The following PVALB variants were observed in gnomAD, a reference collection of about 807,000 sequenced individuals.
The protein encoded by PVALB is parvalbumin.
Under a neutral mutation model 10.9 loss-of-function variants are expected in PVALB, and 11 were observed. The observed-to-expected ratio is 1.01, with a 90% CI of 0.63 to 1.67. The LOEUF (loss-of-function observed/expected upper bound fraction) is 1.67, where lower values mean the gene tolerates loss of function less well. Ranked by LOEUF, PVALB falls within the 40% of genes most tolerant of loss-of-function variation. The pLI is 0.00. For synonymous variants in PVALB, 57 were observed against 50.7 expected, an observed-to-expected ratio of 1.12 and a Z score of -0.53; for missense variants, 131 against 136.2, an observed-to-expected ratio of 0.96 and a Z score of 0.19.
intron 2 of PVALB, among the ~76,000 whole-genome samples, chr22:36,814,268 AGTGT>A (rs36215449): frequency 0.12 from 17,630 of 147,990 alleles, 1,183 homozygotes; most frequent in Non-Finnish European, 0.16. Context: ...AGCCTCTGTG[AGTGT>A]GTGTGTGTGT....
At chr22:36,808,477 T>G (rs1245397838) in intron 3 of PVALB, among the ~76,000 whole-genome samples, 1 of 152,192 alleles carries the variant, frequency 6.6e-6, no homozygotes, top group Non-Finnish European at 1.5e-5. Context: ...GGCATGTCAC[T>G]TCTCACGATG....
At chr22:36,816,795 G>A (rs368879296) in intron 1 of PVALB, 150 bp downstream of exon 1, 5 of 609,792 alleles carry the variant, frequency 8.2e-6, no homozygotes. Flanking sequence ...AACTGCCAAG[G>A]ACGCCCCCGC....
chr22:36,808,236 G>A (rs1938989911), intron 3 of PVALB, among the ~76,000 whole-genome samples: 1 of 152,246 alleles, frequency 6.6e-6, no homozygotes, highest in South Asian at 2.1e-4. Flanking sequence ...TTGTAGAGCT[G>A]TTGGGAGGTT....
chr22:36,813,678 T>C lies in PVALB; in HGVS notation c.272A>G (p.Asp91Gly). 6.2e-7 allele frequency: 1 copy of C among 1,614,060 alleles called. No homozygotes were observed. Among genetic ancestry groups the C allele is most frequent in the South Asian group, 1.1e-5 (1 of 91,050 alleles). The part of the protein sequence containing the change: ...KETKMLMAAG[D>G]KDGDGKIGVD... ...CCCAATTTTGCCGTCCCCATCTTTG[T>C]CTCCAGCAGCCATCAGCATCTTGGT... The change falls in exon 3 of 4, where the codon GAC (aspartate) becomes GGC (glycine). Residue 91 changes from aspartate to glycine, a missense_variant. Physicochemically the swap from Asp to Gly is moderately conservative, Grantham distance 94 (BLOSUM62 -1). Coordinates refer to ENST00000417718, the MANE Select transcript of PVALB (RefSeq NM_001315532.2).
chr22:36,802,046 C>G (rs1938873090), intron 3 of PVALB, among the ~76,000 whole-genome samples: 2 of 152,150 alleles, frequency 1.3e-5, no homozygotes, highest in African/African-American at 4.8e-5. Flanking sequence ...CAAAAAGTAT[C>G]TGAGACTCAT....
At chr22:36,806,827 T>C (rs553835989) in intron 3 of PVALB, among the ~76,000 whole-genome samples, 1 of 152,254 alleles carries the variant, frequency 6.6e-6, no homozygotes, top group Admixed American at 6.5e-5. Flanking sequence ...AAACTGAGGC[T>C]GAGTGTCACT....
At chr22:36,815,970 C>T (rs1170219363) in intron 1 of PVALB, among the ~76,000 whole-genome samples, 1 of 152,022 alleles carries the variant, frequency 6.6e-6, no homozygotes, top group Non-Finnish European at 1.5e-5. Context: ...GGGTCCTTTT[C>T]TACCTGCAAT....
chr22:36,809,445 TATGA>T (rs201467669), intron 3 of PVALB, among the ~76,000 whole-genome samples: 44 of 152,202 alleles, frequency 2.9e-4, no homozygotes, highest in Admixed American at 5.2e-4. Context: ...TAAATTAAAC[TATGA>T]ATGAATGAAT....
chr22:36,817,959 T>C (rs1179899176), upstream of PVALB, among the ~76,000 whole-genome samples: 2 of 152,098 alleles, frequency 1.3e-5, no homozygotes, highest in African/African-American at 4.8e-5. Context: ...CTAGACAACC[T>C]AAGCAGGTGT....
chr22:36,803,634 T>C (rs1467434434), intron 3 of PVALB, among the ~76,000 whole-genome samples: 2 of 126,804 alleles, frequency 1.6e-5, no homozygotes, highest in African/African-American at 5.8e-5. Context: ...GAGGGATGGA[T>C]AAAGGGAGAG....
In PVALB at chr22:36,813,742, C is replaced by T. The variant is rs1194160551; in HGVS notation, c.208G>A (p.Gly70Ser). 4.3e-6 allele frequency: 7 copies of T among 1,612,960 alleles called. No individual in the cohort carries two copies. Among genetic ancestry groups the T allele is most frequent in the Non-Finnish European group, 5.9e-6 (7 of 1,178,982 alleles). Residue 70 changes from glycine (G) to serine (S), a missense_variant, in exon 3 of 4, where the codon GGC becomes AGC. Gly to Ser is a moderately conservative substitution (Grantham distance 56). Coordinates refer to ENST00000417718, the MANE Select transcript of PVALB (RefSeq NM_001315532.2). ...EEDELGFILK[G>S]FSPDARDLSA... The stretch of plus-strand genomic sequence containing the variant: ...AGGTCTCTGGCATCTGGGGAGAAGC[C>T]TTTTAGGATGAATCTGGAGGAGAAA...
intron 3 of PVALB, among the ~76,000 whole-genome samples, chr22:36,807,917 G>C (rs11705163): frequency 0.19 from 29,095 of 152,158 alleles, 3,128 homozygotes; most frequent in African/African-American, 0.29. Flanking sequence ...AGTGGCAAGG[G>C]GTGGGGGGGT....
At chr22:36,816,904 G>C (rs1202206054) in intron 1 of PVALB, 41 bp downstream of exon 1, 3 of 1,554,096 alleles carry the variant, frequency 1.9e-6, no homozygotes, top group Non-Finnish European at 2.6e-6. Flanking sequence ...GCGGGCGGTG[G>C]ACGAGGGGAG....
At chr22:36,801,320 TTC>T (rs1938860331) in intron 3 of PVALB, among the ~76,000 whole-genome samples, 3 of 152,226 alleles carry the variant, frequency 2.0e-5, no homozygotes, top group Non-Finnish European at 4.4e-5. Context: ...ATTGTTCCTG[TTC>T]TACAGATGAA....
chr22:36,802,453 T>C (rs928086345), intron 3 of PVALB, among the ~76,000 whole-genome samples: 4 of 151,568 alleles, frequency 2.6e-5, no homozygotes, highest in Non-Finnish European at 5.9e-5. Context: ...ATACAAAAAT[T>C]AGCTGGACGT....
intron 2 of PVALB, among the ~76,000 whole-genome samples, chr22:36,814,069 AGT>A (rs1014602811): frequency 5.3e-5 from 8 of 152,168 alleles, no homozygotes; most frequent in African/African-American, 1.9e-4. Flanking sequence ...TATGCTGGAA[AGT>A]GGGGTCACAG....
At chr22:36,804,428 A>G (rs1938919450) in intron 3 of PVALB, among the ~76,000 whole-genome samples, 1 of 152,224 alleles carries the variant, frequency 6.6e-6, no homozygotes, top group Non-Finnish European at 1.5e-5. Flanking sequence ...CACAGTAGCC[A>G]CATGCGCTGG....
chr22:36,809,704 G>C (rs1939016361), intron 3 of PVALB, among the ~76,000 whole-genome samples: 1 of 152,096 alleles, frequency 6.6e-6, no homozygotes, highest in South Asian at 2.1e-4. Flanking sequence ...TATGAACTTA[G>C]ATGCTATTGC....
At chr22:36,801,871 T>C (rs1012420277) in intron 3 of PVALB, among the ~76,000 whole-genome samples, 4 of 152,154 alleles carry the variant, frequency 2.6e-5, no homozygotes, top group African/African-American at 9.7e-5. Context: ...AGGCTGGGGA[T>C]TGAAAGTTAG....
Sources: gnomAD v4.1 joint callset for allele counts (sites outside exome capture counted in the v4.1 genomes callset) on GRCh38, gnomAD v4.1.1 for gene constraint, MANE v1.5 for transcripts, NCBI Gene and HGNC (gene_info 2026-07-23, HGNC 2026-07-21) for gene names.